The following TRIM2 variants were observed in gnomAD, a reference collection of about 807,000 sequenced individuals.
TRIM2 encodes tripartite motif-containing protein 2.
TRIM2 carries 20 observed loss-of-function variants against 75.2 expected under a neutral mutation model. The ratio of observed to expected loss-of-function variants is 0.27; its 90% CI spans 0.19 to 0.39. The LOEUF is 0.39. Ranked by LOEUF, TRIM2 falls within the 10% of genes least tolerant of loss-of-function variation. The pLI is 1.00. For missense variants in TRIM2, 660 were observed against 990.8 expected (o/e 0.67, Z 4.48); for synonymous variants, 373 against 388.3 (o/e 0.96, Z 0.46).
intron 1 of TRIM2, among the ~76,000 whole-genome samples, chr4:153,250,565 C>T (rs1409854064): frequency 6.6e-6 from 1 of 152,176 alleles, no homozygotes; most frequent in Non-Finnish European, 1.5e-5. Context: ...AACCAAAATT[C>T]CTCCTTGGAT....
intron 1 of TRIM2, among the ~76,000 whole-genome samples, chr4:153,249,237 G>T (rs1397510285): frequency 6.6e-6 from 1 of 152,264 alleles, no homozygotes; most frequent in Non-Finnish European, 1.5e-5. Flanking sequence ...GCGCGCAATC[G>T]CCATCTGGGT....
chr4:153,207,961 G>C lies in TRIM2; in HGVS notation c.30+3401G>C, dbSNP rs1735933568. Reference sequence around the variant, plus strand: ...CTGATCATGCTTATCCATGTTGAAGGCTCATCCAGGAATAATAGATGGGTC... The same window carrying C: ...CTGATCATGCTTATCCATGTTGAAGCCTCATCCAGGAATAATAGATGGGTC... On this transcript the variant is annotated intron_variant, in intron 1 of 11. Coordinates refer to ENST00000338700, the MANE Select transcript of TRIM2 (RefSeq NM_015271.5). 7.2e-5 allele frequency among the ~76,000 whole-genome samples: 11 copies of C among 152,276 alleles called. No homozygotes were observed. The South Asian group carries it at 2.3e-3, about 32-fold the overall frequency.
chr4:153,217,442 C>A (rs1254850124), intron 1 of TRIM2, among the ~76,000 whole-genome samples: 3 of 152,258 alleles, frequency 2.0e-5, no homozygotes, highest in South Asian at 2.1e-4. Flanking sequence ...ACAGACACTT[C>A]AAAGGCAAGA....
chr4:153,257,445 G>A (rs1752340336), intron 1 of TRIM2: 9 of 1,229,038 alleles, frequency 7.3e-6, no homozygotes, highest in Middle Eastern at 2.3e-4. Context: ...TGTGAATACT[G>A]AAGGGGGTCT....
chr4:153,323,505 A>G (rs2149561208), intron 9 of TRIM2, among the ~76,000 whole-genome samples: 1 of 151,372 alleles, frequency 6.6e-6, no homozygotes, highest in South Asian at 2.1e-4. Flanking sequence ...TTTTTGAGAC[A>G]GGGTCTCGCT....
intron 1 of TRIM2, among the ~76,000 whole-genome samples, chr4:153,204,780 GAC>G (rs1196162183): frequency 1.3e-5 from 2 of 152,152 alleles, no homozygotes; most frequent in East Asian, 1.9e-4. Context: ...TCGAGGGAGA[GAC>G]ACAGCTGGAT....
At chr4:153,273,359 T>C (rs1757273293) in intron 2 of TRIM2, among the ~76,000 whole-genome samples, 1 of 136,510 alleles carries the variant, frequency 7.3e-6, no homozygotes, top group African/African-American at 2.8e-5. Context: ...CACTGCAAGC[T>C]CCACCTCCCG....
intron 2 of TRIM2, among the ~76,000 whole-genome samples, chr4:153,273,117 A>G (rs1352343515): frequency 1.3e-5 from 2 of 151,848 alleles, no homozygotes; most frequent in African/African-American, 4.8e-5. Flanking sequence ...GATTACAGGC[A>G]TGAGTCACTG....
intron 1 of TRIM2, among the ~76,000 whole-genome samples, chr4:153,266,587 C>A (rs987693797): frequency 2.6e-5 from 4 of 151,788 alleles, no homozygotes; most frequent in Admixed American, 6.6e-5. Flanking sequence ...GTGATCTGCC[C>A]ACCTCGACCT....
chr4:153,291,099 A>G (rs1396052553), intron 3 of TRIM2, among the ~76,000 whole-genome samples: 2 of 152,168 alleles, frequency 1.3e-5, no homozygotes, highest in Non-Finnish European at 2.9e-5. Context: ...ACCTCTTACT[A>G]TGTACCTACT....
At chr4:153,227,925 G>A (rs1325632428) in intron 1 of TRIM2, among the ~76,000 whole-genome samples, 1 of 152,174 alleles carries the variant, frequency 6.6e-6, no homozygotes, top group Non-Finnish European at 1.5e-5. Context: ...TGGGCAGCTG[G>A]CTCTCCTTAT....
chr4:153,281,943 C>T (rs867011423), intron 3 of TRIM2, among the ~76,000 whole-genome samples: 2 of 152,220 alleles, frequency 1.3e-5, no homozygotes. Context: ...TAAGACTGCC[C>T]TGCCACTAAC....
intron 1 of TRIM2, among the ~76,000 whole-genome samples, chr4:153,181,598 T>A (rs1732066365): frequency 1.3e-5 from 2 of 152,102 alleles, no homozygotes; most frequent in South Asian, 4.1e-4. Context: ...CAACCTTCCC[T>A]CATGCGCCAG....
At chr4:153,187,088 G>T (rs945752715) in intron 1 of TRIM2, among the ~76,000 whole-genome samples, 1 of 152,182 alleles carries the variant, frequency 6.6e-6, no homozygotes, top group Non-Finnish European at 1.5e-5. Flanking sequence ...TCTATCACCA[G>T]GTCGTACGTA....
At chr4:153,212,717 A>G (rs1462324877) in intron 1 of TRIM2, among the ~76,000 whole-genome samples, 4 of 152,162 alleles carry the variant, frequency 2.6e-5, no homozygotes, top group African/African-American at 9.7e-5. Flanking sequence ...GATTTAGGAA[A>G]GCCTTTTCAG....
intron 1 of TRIM2, among the ~76,000 whole-genome samples, chr4:153,237,253 A>G (rs1371131134): frequency 6.6e-6 from 1 of 152,206 alleles, no homozygotes; most frequent in Non-Finnish European, 1.5e-5. Flanking sequence ...GCATGTAAAC[A>G]TTAGTACCAT....
intron 1 of TRIM2, among the ~76,000 whole-genome samples, chr4:153,180,017 C>A (rs1186610863): frequency 6.6e-6 from 1 of 152,194 alleles, no homozygotes; most frequent in African/African-American, 2.4e-5. Context: ...ATTCAGTACT[C>A]AAGTGAGTTT....
rs529751881 is a variant in TRIM2 at position 153,172,252 on chromosome 4, A to G, written c.-49+18982A>G. ...ACCCAGGCCGGAGTGCAGTGGTGCTATCTTGGCTCACTGCAAGCTCCACCT... is the reference window on the plus strand; with the variant it reads ...ACCCAGGCCGGAGTGCAGTGGTGCTGTCTTGGCTCACTGCAAGCTCCACCT... On this transcript the variant is annotated intron_variant, in intron 1 of 11. Coordinates refer to the TRIM2 transcript ENST00000437508. Among the ~76,000 whole-genome samples the G allele has an allele frequency of 9.9e-5, 15 of 151,870 alleles. 1 individual carries two copies. Among genetic ancestry groups the G allele is most frequent in the African/African-American group, 3.4e-4 (14 of 41,382 alleles).
At chr4:153,233,901 C>G (rs1055651496) in intron 1 of TRIM2, among the ~76,000 whole-genome samples, 2 of 152,178 alleles carry the variant, frequency 1.3e-5, no homozygotes, top group Non-Finnish European at 2.9e-5. Context: ...GTTGCAATCA[C>G]TGTTTGCAGG....
Sources: gnomAD v4.1 joint callset for allele counts (sites outside exome capture counted in the v4.1 genomes callset) on GRCh38, gnomAD v4.1.1 for gene constraint, MANE v1.5 for transcripts, NCBI Gene and HGNC (gene_info 2026-07-23, HGNC 2026-07-21) for gene names.